ELMO1: variants seen among roughly 807,000 people sequenced by gnomAD.
ELMO1 encodes engulfment and cell motility 1.
ELMO1 carries 26 observed loss-of-function variants against 98.9 expected under a neutral mutation model. The observed-to-expected ratio is 0.26, with a 90% CI of 0.19 to 0.36. ELMO1 has a LOEUF of 0.36. ELMO1 is among the 10% of genes least tolerant of loss of function. The pLI is 1.00. For synonymous variants in ELMO1, 346 were observed against 346.0 expected (o/e 1.00, Z 0.00); for missense variants, 627 against 935.2 (o/e 0.67, Z 4.30).
chr7:37,362,943 G>T (rs1801752489), intron 1 of ELMO1, among the ~76,000 whole-genome samples: 1 of 152,214 alleles, frequency 6.6e-6, no homozygotes, highest in African/African-American at 2.4e-5. Context: ...TTGCCACAGT[G>T]AATTTGGTAG....
chr7:37,324,108 C>T (rs183582312), intron 2 of ELMO1, among the ~76,000 whole-genome samples: 46 of 152,250 alleles, frequency 3.0e-4, no homozygotes, highest in Admixed American at 6.5e-5. Context: ...TCATCAGAGC[C>T]CCTCCCTGCC....
chr7:37,203,730 C>G (rs535981164), intron 13 of ELMO1, among the ~76,000 whole-genome samples: 1 of 151,578 alleles, frequency 6.6e-6, no homozygotes, highest in South Asian at 2.1e-4. Context: ...AGGACCCAGG[C>G]GGCAAGGGTC....
chr7:37,435,424 T>C (rs1805104081), intron 1 of ELMO1, among the ~76,000 whole-genome samples: 2 of 152,234 alleles, frequency 1.3e-5, no homozygotes, highest in East Asian at 1.9e-4. Context: ...TTATCACTTC[T>C]AATGGATGGA....
chr7:37,445,528 C>T (rs1237362551), intron 1 of ELMO1, among the ~76,000 whole-genome samples: 1 of 152,200 alleles, frequency 6.6e-6, no homozygotes, highest in East Asian at 1.9e-4. Flanking sequence ...GCCTCACCCC[C>T]AGCCACATCC....
At chr7:36,960,454 C>T (rs951750953) in intron 16 of ELMO1, among the ~76,000 whole-genome samples, 1 of 152,130 alleles carries the variant, frequency 6.6e-6, no homozygotes, top group African/African-American at 2.4e-5. Flanking sequence ...AGCTTGCTGT[C>T]CACCTCAAGC....
At chr7:37,426,930 C>T (rs1804732790) in intron 1 of ELMO1, among the ~76,000 whole-genome samples, 1 of 151,924 alleles carries the variant, frequency 6.6e-6, no homozygotes, top group Non-Finnish European at 1.5e-5. Flanking sequence ...TTATACCTAA[C>T]TCATTTTCAA....
intron 17 of ELMO1, among the ~76,000 whole-genome samples, chr7:36,891,701 A>T (rs965915765): frequency 5.9e-5 from 9 of 152,218 alleles, no homozygotes; most frequent in Non-Finnish European, 8.8e-5. Flanking sequence ...CAATCCAATG[A>T]TGTAGACATT....
At chr7:37,016,647 T>A (rs1265267883) in intron 15 of ELMO1, among the ~76,000 whole-genome samples, 1 of 152,204 alleles carries the variant, frequency 6.6e-6, no homozygotes, top group Non-Finnish European at 1.5e-5. Context: ...GCCTGCTGAC[T>A]GAGAACACTC....
rs73690302 is a variant in ELMO1 at position 37,110,019 on chromosome 7, C to T, written c.1192-13292G>A. 5.1e-3 allele frequency among the ~76,000 whole-genome samples: 776 copies of T among 152,312 alleles called. 7 individuals are homozygous for T. Among genetic ancestry groups the T allele is most frequent in the African/African-American group, 0.018 (745 of 41,570 alleles). ...AGCAACCTTGACCGCCTCCAGATTG[C>T]CCTCTGGGATGAACCAGGTCCTCCC... On this transcript the variant is annotated intron_variant, in intron 14 of 21. Transcript: ENST00000310758.
chr7:37,358,216 A>G (rs1419566234), intron 1 of ELMO1, among the ~76,000 whole-genome samples: 1 of 152,184 alleles, frequency 6.6e-6, no homozygotes, highest in Non-Finnish European at 1.5e-5. Flanking sequence ...CTAATTTCAT[A>G]CTTCTGAAAA....
intron 16 of ELMO1, among the ~76,000 whole-genome samples, chr7:36,952,962 CTCTT>C (rs1446426204): frequency 1.5e-5 from 2 of 136,994 alleles, no homozygotes; most frequent in Admixed American, 1.4e-4. Flanking sequence ...GAAGTCACTA[CTCTT>C]TTTTTTTTTT....
At chr7:36,875,697 C>T (rs1803900102) in intron 19 of ELMO1, among the ~76,000 whole-genome samples, 1 of 152,112 alleles carries the variant, frequency 6.6e-6, no homozygotes. Context: ...GGCATCAGCA[C>T]CTCTAGTTCC....
At chr7:37,063,854 G>C (rs1284352195) in intron 15 of ELMO1, among the ~76,000 whole-genome samples, 3 of 152,082 alleles carry the variant, frequency 2.0e-5, no homozygotes, top group Non-Finnish European at 4.4e-5. Flanking sequence ...CACTGCTGTA[G>C]TTCTTCAACC....
intron 6 of ELMO1, among the ~76,000 whole-genome samples, chr7:37,251,832 C>A (rs1384542725): frequency 6.6e-6 from 1 of 152,150 alleles, no homozygotes; most frequent in East Asian, 1.9e-4. Context: ...TTAGAAAACC[C>A]CATCATCTCA....
chr7:37,329,094 G>A lies in ELMO1; in HGVS notation c.79-13134C>T, dbSNP rs751259860. On this transcript the variant is annotated intron_variant, in intron 2 of 21. Transcript: ENST00000310758. ...ACAAGTCAGTGCTATCTGGATTTCC[G>A]AAGGCATTTTGGGTTGAAGATACAG... is the stretch of plus-strand genomic sequence containing the variant. 4.6e-5 allele frequency among the ~76,000 whole-genome samples: 7 copies of A among 152,248 alleles called. No homozygotes were observed. The South Asian group carries it at 1.0e-3, about 23-fold the overall frequency.
intron 16 of ELMO1, among the ~76,000 whole-genome samples, chr7:36,934,326 A>G (rs193189467): frequency 1.1e-4 from 17 of 152,310 alleles, no homozygotes; most frequent in Admixed American, 8.5e-4. Context: ...TGGATCTGGG[A>G]AAGTGAGGCA....
intron 15 of ELMO1, among the ~76,000 whole-genome samples, chr7:37,027,556 G>A (rs769427055): frequency 6.6e-6 from 1 of 152,188 alleles, no homozygotes; most frequent in East Asian, 1.9e-4. Flanking sequence ...TTTTGCTAAT[G>A]TGAGATTCGA....
intron 13 of ELMO1, among the ~76,000 whole-genome samples, chr7:37,193,370 C>T (rs1791762551): frequency 6.6e-6 from 1 of 152,128 alleles, no homozygotes; most frequent in Non-Finnish European, 1.5e-5. Context: ...TCCCAGAACT[C>T]TCCTTTAAGA....
chr7:36,885,669 G>A (rs914696628), intron 18 of ELMO1, among the ~76,000 whole-genome samples: 4 of 152,104 alleles, frequency 2.6e-5, no homozygotes, highest in South Asian at 2.1e-4. Context: ...GCATACAACC[G>A]ACTCTCTGAC....
Sources: allele counts gnomAD v4.1 joint callset (sites outside exome capture counted in the v4.1 genomes callset), GRCh38; gene constraint gnomAD v4.1.1; transcripts MANE v1.5; gene names NCBI Gene and HGNC (gene_info 2026-07-23, HGNC 2026-07-21).